Variants in ZPBP observed in about 807,000 individuals in gnomAD.
The protein encoded by ZPBP is zona pellucida binding protein, also known as zona pellucida-binding protein 1.
Under a neutral mutation model 44.8 loss-of-function variants are expected in ZPBP, and 26 were observed. The observed-to-expected ratio is 0.58, with a 90% CI of 0.43 to 0.81. ZPBP has a LOEUF of 0.81. Ranked by LOEUF, ZPBP falls within the 30% of genes least tolerant of loss-of-function variation. ZPBP has a pLI of 0.00. For synonymous variants in ZPBP, 174 were observed against 153.2 expected, an observed-to-expected ratio of 1.14 and a Z score of -1.00; for missense variants, 409 against 434.0, an observed-to-expected ratio of 0.94 and a Z score of 0.51.
rs770957958 is a variant in ZPBP at position 50,093,143 on chromosome 7, C to A, written c.52G>T (p.Ala18Ser). ...GCCCGAGAGAGCAGGGAGCCGGCGG[C>A]CCGGGTCCGCCGCCTGCCCCGCCGC... ...PARRGRRRTR[A>S]AGSLLSRAAI... Residue 18 changes from alanine to serine, a missense_variant, in exon 1 of 8, where the codon GCC (alanine) becomes TCC (serine). By Grantham distance (99) the Ala-to-Ser change is moderately conservative. Coordinates refer to ENST00000046087, the MANE Select transcript of ZPBP (RefSeq NM_007009.3). 1.3e-6 allele frequency: 2 copies of A among 1,546,292 alleles called. No individual in the cohort carries two copies. Among genetic ancestry groups the A allele is most frequent in the African/African-American group, 2.8e-5 (2 of 71,990 alleles).
intron 2 of ZPBP, among the ~76,000 whole-genome samples, chr7:49,854,521 G>T (rs1790333869): frequency 6.6e-6 from 1 of 152,158 alleles, no homozygotes; most frequent in African/African-American, 2.4e-5. Flanking sequence ...CTTTTGAGAA[G>T]TGTCTGTTCA....
chr7:49,920,297 G>A (rs1793962251), intron 1 of ZPBP: 1 of 152,152 alleles, frequency 6.6e-6, no homozygotes, highest in Admixed American at 6.5e-5. Flanking sequence ...ATTTGGATGA[G>A]ATAATTTTCC....
intron 3 of ZPBP, among the ~76,000 whole-genome samples, chr7:50,066,260 T>C (rs1482785448): frequency 6.6e-6 from 1 of 150,438 alleles, no homozygotes; most frequent in African/African-American, 2.5e-5. Flanking sequence ...AAGCTCTCTT[T>C]CTTTTTTTTT....
intron 7 of ZPBP, among the ~76,000 whole-genome samples, chr7:49,952,256 G>A (rs1053386512): frequency 3.3e-5 from 5 of 151,836 alleles, no homozygotes; most frequent in African/African-American, 1.2e-4. Context: ...AGAGAGCTTC[G>A]TTTGATCTGT....
At chr7:49,970,972 G>A (rs925288693) in intron 7 of ZPBP, among the ~76,000 whole-genome samples, 1 of 152,002 alleles carries the variant, frequency 6.6e-6, no homozygotes, top group Non-Finnish European at 1.5e-5. Context: ...TGAGCCCAGG[G>A]GGTTGAGGAT....
intron 1 of ZPBP, chr7:49,921,989 C>T (rs960777424): frequency 6.6e-6 from 1 of 151,918 alleles, no homozygotes; most frequent in South Asian, 2.1e-4. Context: ...TAAGATAATC[C>T]TTTGAAATAT....
chr7:49,943,454 T>C (rs1455189100), intron 7 of ZPBP: 4 of 451,886 alleles, frequency 8.9e-6, no homozygotes, highest in Non-Finnish European at 1.7e-5. Context: ...TATGTTTATA[T>C]CACAGACCTC....
At chr7:50,083,924 A>G (rs1304762036) in intron 2 of ZPBP, among the ~76,000 whole-genome samples, 1 of 152,022 alleles carries the variant, frequency 6.6e-6, no homozygotes, top group African/African-American at 2.4e-5. Context: ...TCTCAATGCA[A>G]AAAGCACAAA....
At position 49,937,462 on chromosome 7, in the gene ZPBP, A is replaced by G; in HGVS notation, c.*66T>C. ...ATGATTAATTTTGGCATAATAATTT[A>G]TTATGTTAATATTTCAAATATATAC... On this transcript the variant is annotated 3_prime_UTR_variant, in exon 8 of 8. Coordinates refer to ENST00000046087, the MANE Select transcript of ZPBP (RefSeq NM_007009.3). The G allele has an allele frequency of 1.7e-6, 2 of 1,202,912 alleles. No individual in the cohort carries two copies. Among genetic ancestry groups the G allele is most frequent in the Non-Finnish European group, 2.5e-6 (2 of 815,484 alleles). The allele number at this position is 1,202,912 out of a possible 1,614,324, so 74.5% of individuals were successfully genotyped here. A position where few individuals can be genotyped will look rare whatever the true frequency, so the allele number is the denominator to read the frequency against.
intron 2 of ZPBP, among the ~76,000 whole-genome samples, chr7:49,898,383 T>A (rs1284039909): frequency 1.3e-5 from 2 of 152,028 alleles, no homozygotes; most frequent in Non-Finnish European, 2.9e-5. Flanking sequence ...TAGATATGGG[T>A]TTCTTACCCA....
At chr7:49,876,619 G>T (rs1312456171) in intron 2 of ZPBP, among the ~76,000 whole-genome samples, 1 of 152,102 alleles carries the variant, frequency 6.6e-6, no homozygotes, top group Non-Finnish European at 1.5e-5. Flanking sequence ...GCAGCTCCAG[G>T]AAAGAGATCA....
chr7:49,940,381 A>G (rs1794821921), intron 7 of ZPBP, among the ~76,000 whole-genome samples: 1 of 152,162 alleles, frequency 6.6e-6, no homozygotes, highest in East Asian at 1.9e-4. Context: ...AAACTAATTT[A>G]AAAGTAGGCA....
chr7:49,926,352 T>G (rs1029890262), intron 1 of ZPBP, among the ~76,000 whole-genome samples: 2 of 152,232 alleles, frequency 1.3e-5, no homozygotes, highest in Non-Finnish European at 2.9e-5. Flanking sequence ...TTCTACTACC[T>G]GCAGCTTAGG....
intron 6 of ZPBP, among the ~76,000 whole-genome samples, chr7:50,015,604 C>A (rs750152391): frequency 1.3e-5 from 2 of 152,084 alleles, no homozygotes; most frequent in African/African-American, 2.4e-5. Context: ...AAGAAACTAT[C>A]AACACAGTAA....
At chr7:49,981,721 T>C (rs1332709513) in intron 7 of ZPBP, among the ~76,000 whole-genome samples, 8 of 98,134 alleles carry the variant, frequency 8.2e-5, no homozygotes, top group African/African-American at 1.3e-4. Context: ...TTATATATAA[T>C]ATAAATTATA....
chr7:49,943,336 G>C (rs1041838005), intron 7 of ZPBP: 5 of 300,116 alleles, frequency 1.7e-5, no homozygotes, highest in South Asian at 6.6e-5. Context: ...CCTCAGAAGA[G>C]TATACCAAAC....
intron 2 of ZPBP, among the ~76,000 whole-genome samples, chr7:49,899,596 TAA>T (rs1452076356): frequency 6.6e-6 from 1 of 152,010 alleles, no homozygotes; most frequent in Non-Finnish European, 1.5e-5. Flanking sequence ...TATATAATGA[TAA>T]ATGAGTCAAT....
At chr7:50,001,074 C>G (rs1399698865) in intron 6 of ZPBP, among the ~76,000 whole-genome samples, 1 of 152,178 alleles carries the variant, frequency 6.6e-6, no homozygotes, top group Non-Finnish European at 1.5e-5. Flanking sequence ...GAAACCAACC[C>G]TGCCAACACC....
chr7:49,915,368 A>C (rs1229818065), intron 1 of ZPBP: 1 of 152,192 alleles, frequency 6.6e-6, no homozygotes, highest in Non-Finnish European at 1.5e-5. Flanking sequence ...TAATCTTTTG[A>C]TACTTAGAAT....
Sources: gnomAD v4.1 joint callset for allele counts (sites outside exome capture counted in the v4.1 genomes callset) on GRCh38, gnomAD v4.1.1 for gene constraint, MANE v1.5 for transcripts, NCBI Gene and HGNC (gene_info 2026-07-23, HGNC 2026-07-21) for gene names.